The following CCDC148 variants were observed in gnomAD, a reference collection of about 807,000 sequenced individuals.
CCDC148 encodes the protein coiled-coil domain containing 148, also known as coiled-coil domain-containing protein 148.
Under a neutral mutation model 85.7 loss-of-function variants are expected in CCDC148, and 89 were observed. That is an observed-to-expected ratio of 1.04 (90% confidence interval 0.87 to 1.24). CCDC148 has a LOEUF of 1.24. CCDC148 is among the 50% of genes most tolerant of loss of function. The pLI is 0.00. For synonymous variants in CCDC148, 230 were observed against 213.9 expected, an observed-to-expected ratio of 1.08 and a Z score of -0.66; for missense variants, 692 against 671.7, an observed-to-expected ratio of 1.03 and a Z score of -0.33.
chr2:158,416,753 C>A (rs1280182428), intron 1 of CCDC148, among the ~76,000 whole-genome samples: 1 of 152,158 alleles, frequency 6.6e-6, no homozygotes, highest in Non-Finnish European at 1.5e-5. Flanking sequence ...TCTGTCTTTA[C>A]CCAGTTTCAA....
chr2:158,398,545 T>C (rs1050199970), intron 1 of CCDC148, among the ~76,000 whole-genome samples: 1 of 152,032 alleles, frequency 6.6e-6, no homozygotes, highest in Non-Finnish European at 1.5e-5. Flanking sequence ...AATAACAAAA[T>C]GAAGGCATAA....
Position 158,313,834 on chromosome 2 carries a change from A to C in CCDC148, c.825T>G (p.Pro275=), listed in dbSNP as rs1692155566. 1 of 1,613,982 alleles carries C rather than the reference A, an allele frequency of 6.2e-7. No individual in the cohort carries two copies. The highest frequency in any genetic ancestry group is 8.5e-7 in the Non-Finnish European group (1 of 1,179,910). The change falls in exon 8 of 14, where the codon CCT becomes CCG. Residue 275 remains proline, a synonymous_variant. Coordinates refer to ENST00000283233, the MANE Select transcript of CCDC148 (RefSeq NM_138803.4). ...GAGTCCTTCTTCCAAAGAGATCTCC[A>C]GGGTACTGATCCAAAATAGCCTGGT... ...WIYQAILDQY[P]GDLFGRRTLY...
chr2:158,215,198 T>C (rs1020009796), intron 11 of CCDC148, among the ~76,000 whole-genome samples: 8 of 152,234 alleles, frequency 5.3e-5, no homozygotes, highest in African/African-American at 1.9e-4. Flanking sequence ...ATAATTGGTG[T>C]TGAGATAGTT....
At chr2:158,437,596 C>G (rs1441017116) in intron 1 of CCDC148, among the ~76,000 whole-genome samples, 1 of 152,180 alleles carries the variant, frequency 6.6e-6, no homozygotes, top group African/African-American at 2.4e-5. Flanking sequence ...CTCACCCCTC[C>G]TATTCAACAT....
At chr2:158,449,554 T>C (rs1688309979) in intron 1 of CCDC148, among the ~76,000 whole-genome samples, 1 of 152,014 alleles carries the variant, frequency 6.6e-6, no homozygotes, top group Admixed American at 6.6e-5. Flanking sequence ...TTCAAGCAAT[T>C]CTCCCTGCCT....
At chr2:158,277,373 T>G (rs1160935261) in intron 9 of CCDC148, among the ~76,000 whole-genome samples, 1 of 152,178 alleles carries the variant, frequency 6.6e-6, no homozygotes, top group East Asian at 1.9e-4. Flanking sequence ...CATTCACACC[T>G]ACTGAGAATG....
intron 10 of CCDC148, among the ~76,000 whole-genome samples, chr2:158,228,326 A>G (rs1469329203): frequency 3.3e-5 from 5 of 152,104 alleles, no homozygotes; most frequent in South Asian, 2.1e-4. Context: ...TGGAGAGGAC[A>G]TGGAGAAATA....
In CCDC148 at chr2:158,444,002, A is replaced by C. The variant is rs184104866; in HGVS notation, c.25+12413T>G. 3.3e-3 allele frequency among the ~76,000 whole-genome samples: 505 copies of C among 152,370 alleles called. 2 individuals are homozygous for C. Among genetic ancestry groups the C allele is most frequent in the Non-Finnish European group, 5.4e-3 (365 of 68,038 alleles). On this transcript the variant is annotated intron_variant, in intron 1 of 13. Coordinates refer to ENST00000283233, the MANE Select transcript of CCDC148 (RefSeq NM_138803.4). ...AGTGTACCCATATCGAAGGTTAAAT[A>C]CAAAATACGTCAGGCTATCACTTTC...
chr2:158,428,488 T>C (rs1290251033), intron 1 of CCDC148, among the ~76,000 whole-genome samples: 1 of 151,912 alleles, frequency 6.6e-6, no homozygotes, highest in Non-Finnish European at 1.5e-5. Context: ...TTCATTAACT[T>C]GACTTTGAGT....
At chr2:158,303,300 C>A (rs1258231380) in intron 9 of CCDC148, among the ~76,000 whole-genome samples, 1 of 152,146 alleles carries the variant, frequency 6.6e-6, no homozygotes, top group African/African-American at 2.4e-5. Flanking sequence ...CTGGAGCCTA[C>A]AGTATAATAA....
intron 10 of CCDC148, among the ~76,000 whole-genome samples, chr2:158,223,439 A>T (rs957155062): frequency 1.3e-5 from 2 of 152,194 alleles, no homozygotes; most frequent in African/African-American, 4.8e-5. Context: ...CTGCAGACTT[A>T]AATGTCCCTG....
At chr2:158,292,727 G>A (rs1389785256) in intron 9 of CCDC148, among the ~76,000 whole-genome samples, 1 of 152,138 alleles carries the variant, frequency 6.6e-6, no homozygotes, top group Non-Finnish European at 1.5e-5. Context: ...AATGAGCTCT[G>A]GTGTTATGCA....
intron 7 of CCDC148, among the ~76,000 whole-genome samples, chr2:158,330,840 G>C (rs111830572): frequency 6.6e-6 from 1 of 152,140 alleles, no homozygotes; most frequent in East Asian, 1.9e-4. Flanking sequence ...GTATTTCTGT[G>C]AGATAGGTGG....
At chr2:158,438,551 G>C (rs1687778045) in intron 1 of CCDC148, among the ~76,000 whole-genome samples, 1 of 152,110 alleles carries the variant, frequency 6.6e-6, no homozygotes, top group Admixed American at 6.6e-5. Flanking sequence ...ATACCATTCA[G>C]GACATAGGCA....
intron 7 of CCDC148, among the ~76,000 whole-genome samples, chr2:158,323,322 A>G (rs1692607632): frequency 6.6e-6 from 1 of 152,216 alleles, no homozygotes; most frequent in Non-Finnish European, 1.5e-5. Context: ...AAAAAAGAGA[A>G]TGTAAAATAT....
chr2:158,330,132 T>C (rs1286609119), intron 7 of CCDC148, among the ~76,000 whole-genome samples: 2 of 152,198 alleles, frequency 1.3e-5, no homozygotes, highest in African/African-American at 4.8e-5. Flanking sequence ...CAGTATGATA[T>C]TGGCTGTGGG....
chr2:158,216,827 C>T (rs973760168), intron 11 of CCDC148, among the ~76,000 whole-genome samples: 2 of 151,966 alleles, frequency 1.3e-5, no homozygotes, highest in African/African-American at 2.4e-5. Context: ...TGATAGGAAT[C>T]GCTTATATTT....
chr2:158,212,124 AACAG>A (rs895152611), intron 11 of CCDC148, among the ~76,000 whole-genome samples: 2 of 152,182 alleles, frequency 1.3e-5, no homozygotes, highest in Non-Finnish European at 2.9e-5. Flanking sequence ...TAAAATACAA[AACAG>A]ACAGTCCTAT....
chr2:158,427,324 A>C (rs1687122362), intron 1 of CCDC148, among the ~76,000 whole-genome samples: 1 of 152,184 alleles, frequency 6.6e-6, no homozygotes, highest in South Asian at 2.1e-4. Context: ...CCATTCAAAA[A>C]TATTTATGTA....
Sources: gnomAD v4.1 joint callset for allele counts (sites outside exome capture counted in the v4.1 genomes callset) on GRCh38, gnomAD v4.1.1 for gene constraint, MANE v1.5 for transcripts, NCBI Gene and HGNC (gene_info 2026-07-23, HGNC 2026-07-21) for gene names.